Variants in PACRGL observed in about 807,000 individuals in gnomAD.
The protein encoded by PACRGL is parkin coregulated like, also known as PACRG-like protein.
Under a neutral mutation model 34.5 loss-of-function variants are expected in PACRGL, and 38 were observed. The ratio of observed to expected loss-of-function variants is 1.10; its 90% CI spans 0.85 to 1.44. The LOEUF (loss-of-function observed/expected upper bound fraction) is 1.44, where lower values mean the gene tolerates loss of function less well. Ranked by LOEUF, PACRGL falls within the 40% of genes most tolerant of loss-of-function variation. PACRGL has a pLI of 0.00. For synonymous variants in PACRGL, 128 were observed against 100.1 expected, an observed-to-expected ratio of 1.28 and a Z score of -1.66; for missense variants, 305 against 281.4, an observed-to-expected ratio of 1.08 and a Z score of -0.60.
chr4:20,709,902 AACACC>A lies in PACRGL; in HGVS notation c.366+134_366+138del. The A allele has an allele frequency of 1.2e-5, 8 of 663,004 alleles. No individual in the cohort carries two copies. The South Asian group carries it at 1.4e-4, about 12-fold the overall frequency. 41.1% of individuals were successfully genotyped at this position (663,004 alleles called of 1,614,324 possible). On this transcript the variant is annotated intron_variant, in intron 5 of 8. Transcript: ENST00000503585. ...AAACGAAGCACACAATAGGCATTGA[AACACC>A]ACACACCCTTAGGAATGAATTATGA...
chr4:20,760,832 C>A, the PACRGL span, among the ~76,000 whole-genome samples: 20 of 152,038 alleles, frequency 1.3e-4, no homozygotes, highest in Non-Finnish European at 2.4e-4. Context: ...AAAAAACAAC[C>A]AAAAACAAAT....
chr4:20,697,761 G>A (rs1038825289), upstream of PACRGL, among the ~76,000 whole-genome samples: 2 of 152,106 alleles, frequency 1.3e-5, no homozygotes, highest in African/African-American at 2.4e-5. Flanking sequence ...GTCTGGTAAG[G>A]GACTACTTTC....
At chr4:20,697,359 C>G (rs1283596300), upstream of PACRGL, among the ~76,000 whole-genome samples, 1 of 151,934 alleles carries the variant, frequency 6.6e-6, no homozygotes. Context: ...TGCTTGGTGA[C>G]TTAAATGTAA....
downstream of PACRGL, among the ~76,000 whole-genome samples, chr4:20,733,288 C>T (rs1000057601): frequency 2.0e-5 from 3 of 152,100 alleles, no homozygotes; most frequent in African/African-American, 4.8e-5. Context: ...ACTTAAGTCA[C>T]ATGTGAAGAC....
chr4:20,739,493 G>A (rs935859149), intron 8 of PACRGL, among the ~76,000 whole-genome samples: 1 of 152,180 alleles, frequency 6.6e-6, no homozygotes, highest in African/African-American at 2.4e-5. Flanking sequence ...CAGACCTGCA[G>A]CTGAGGGTCC....
At chr4:20,732,875 T>A, downstream of PACRGL, 3 of 783,258 alleles carry the variant, frequency 3.8e-6, no homozygotes, top group Non-Finnish European at 6.1e-6. Flanking sequence ...TACTCAATTT[T>A]AAATTTTTGA....
chr4:20,720,872 G>C (rs1435144694), intron 7 of PACRGL, among the ~76,000 whole-genome samples: 1 of 152,126 alleles, frequency 6.6e-6, no homozygotes, highest in Non-Finnish European at 1.5e-5. Context: ...ATGTTGGCCT[G>C]CCTTGCTAAG....
intron 3 of PACRGL, among the ~76,000 whole-genome samples, 164 bp downstream of exon 3, chr4:20,704,978 A>T (rs534801500): frequency 6.6e-5 from 10 of 152,318 alleles, no homozygotes; most frequent in Admixed American, 3.9e-4. Flanking sequence ...ATAATCAGTC[A>T]CATGTGGGAG....
At chr4:20,764,756 G>A in the PACRGL span, among the ~76,000 whole-genome samples, 21 of 151,278 alleles carry the variant, frequency 1.4e-4, no homozygotes, top group African/African-American at 5.1e-4. Context: ...GAATCCAATC[G>A]TCATTCTGAA....
At chr4:20,758,542 C>T in the PACRGL span, among the ~76,000 whole-genome samples, 1 of 151,992 alleles carries the variant, frequency 6.6e-6, no homozygotes, top group Admixed American at 6.6e-5. Flanking sequence ...TTTTTGAGCA[C>T]CCTCATAATA....
intron 8 of PACRGL, among the ~76,000 whole-genome samples, chr4:20,741,607 A>G (rs910429891): frequency 1.1e-4 from 17 of 152,232 alleles, no homozygotes; most frequent in Non-Finnish European, 2.5e-4. Flanking sequence ...AAAGCCCACA[A>G]GAGAAAGCAG....
At chr4:20,713,136 A>G (rs1738096994) in intron 6 of PACRGL, 3 of 562,620 alleles carry the variant, frequency 5.3e-6, no homozygotes, top group Non-Finnish European at 8.9e-6. Context: ...TACTAAAGGT[A>G]AAAAGGGACA....
At chr4:20,742,360 TTATCCACCAC>T (rs1402273629) in intron 8 of PACRGL, among the ~76,000 whole-genome samples, 7 of 152,134 alleles carry the variant, frequency 4.6e-5, no homozygotes, top group African/African-American at 1.7e-4. Flanking sequence ...ATCAAAAAGC[TTATCCACCAC>T]TATCATTTTG....
Position 20,728,850 on chromosome 4 carries a change from A to ATATT in PACRGL, c.*1511_*1514dup, listed in dbSNP as rs1031244155. On this transcript the variant is annotated 3_prime_UTR_variant, in exon 9 of 9. Coordinates refer to ENST00000503585, the MANE Select transcript of PACRGL (RefSeq NM_001258345.3). The stretch of plus-strand genomic sequence containing the variant: ...CTTCTGTAGCCTCTTGGTCTTTGTG[A>ATATT]TATTTCTACAAAACAGGGACGATGT... The ATATT allele has an allele frequency of 6.6e-6, 1 of 152,514 alleles. No individual in the cohort carries two copies. Among genetic ancestry groups the ATATT allele is most frequent in the Non-Finnish European group, 1.5e-5 (1 of 68,014 alleles). 9.4% of individuals were successfully genotyped at this position (152,514 alleles called of 1,614,324 possible). A position where few individuals can be genotyped will look rare whatever the true frequency, so the allele number is the denominator to read the frequency against.
chr4:20,720,676 G>T (rs900391913), intron 7 of PACRGL, among the ~76,000 whole-genome samples: 4 of 152,322 alleles, frequency 2.6e-5, no homozygotes, highest in Non-Finnish European at 2.9e-5. Flanking sequence ...GGCTTGTAGA[G>T]TGTCTGCCAC....
At chr4:20,714,809 C>G in intron 7 of PACRGL, among the ~76,000 whole-genome samples, 1 of 152,254 alleles carries the variant, frequency 6.6e-6, no homozygotes, top group East Asian at 1.9e-4. Flanking sequence ...AATAGGAACA[C>G]TTTTACACTG....
At chr4:20,736,343 CTCA>C (rs1749626522), downstream of PACRGL, among the ~76,000 whole-genome samples, 1 of 151,840 alleles carries the variant, frequency 6.6e-6, no homozygotes, top group Non-Finnish European at 1.5e-5. Context: ...TACATTTTTT[CTCA>C]TCATTATTTC....
chr4:20,713,779 T>C (rs964381791), intron 7 of PACRGL, among the ~76,000 whole-genome samples: 2 of 152,232 alleles, frequency 1.3e-5, no homozygotes, highest in African/African-American at 2.4e-5. Flanking sequence ...AGGAACAGGT[T>C]GTTCAGTTTC....
chr4:20,720,216 T>C (rs1460382144), intron 7 of PACRGL, among the ~76,000 whole-genome samples: 3 of 152,338 alleles, frequency 2.0e-5, no homozygotes, highest in Admixed American at 2.0e-4. Context: ...TTTGAGCCTA[T>C]GTGTGTCTCT....
Sources: gnomAD v4.1 joint callset for allele counts (sites outside exome capture counted in the v4.1 genomes callset) on GRCh38, gnomAD v4.1.1 for gene constraint, MANE v1.5 for transcripts, NCBI Gene and HGNC (gene_info 2026-07-23, HGNC 2026-07-21) for gene names.